The following SP100 variants were observed in gnomAD, a reference collection of about 807,000 sequenced individuals.
SP100 encodes the protein nuclear autoantigen Sp-100.
SP100 carries 84 observed loss-of-function variants against 130.0 expected under a neutral mutation model. The observed-to-expected ratio is 0.65, with a 90% CI of 0.54 to 0.77. SP100 has a LOEUF of 0.77. Ranked by LOEUF, SP100 falls within the 30% of genes least tolerant of loss-of-function variation. The probability of loss-of-function intolerance (pLI) is 0.00; values close to 1 mark genes in which losing one functional copy is unlikely to be tolerated. For synonymous variants in SP100, 331 were observed against 351.7 expected (o/e 0.94, Z 0.66); for missense variants, 978 against 1,052.2 (o/e 0.93, Z 0.97).
In SP100 at chr2:230,544,708, C is replaced by T. The variant is rs1460537398; in HGVS notation, c.*1762C>T. ...ATTGGTCAGGCTGGTCTTGAACTCCCGACCTCAGGTGATCCACCCACCTCG... is the reference window on the plus strand; with the variant it reads ...ATTGGTCAGGCTGGTCTTGAACTCCTGACCTCAGGTGATCCACCCACCTCG... On this transcript the variant is annotated 3_prime_UTR_variant, in exon 29 of 29. Transcript: ENST00000340126. 1.3e-5 allele frequency among the ~76,000 whole-genome samples: 2 copies of T among 152,012 alleles called. No homozygotes were observed. Among genetic ancestry groups the T allele is most frequent in the South Asian group, 2.1e-4 (1 of 4,818 alleles).
chr2:230,500,956 G>A (rs2066985864), intron 19 of SP100, among the ~76,000 whole-genome samples: 1 of 151,974 alleles, frequency 6.6e-6, no homozygotes, highest in Non-Finnish European at 1.5e-5. Flanking sequence ...TAAACCTTTA[G>A]TTCAGGCCAG....
intron 2 of SP100, among the ~76,000 whole-genome samples, chr2:230,429,232 G>A (rs535392685): frequency 6.6e-6 from 1 of 152,146 alleles, no homozygotes; most frequent in East Asian, 1.9e-4. Context: ...AACATTCTTG[G>A]TCAGTAGAGT....
intron 2 of SP100, among the ~76,000 whole-genome samples, chr2:230,441,564 G>T (rs996706077): frequency 6.6e-6 from 1 of 152,130 alleles, no homozygotes; most frequent in Non-Finnish European, 1.5e-5. Context: ...CAACAAAAAT[G>T]AACAAACTAC....
At chr2:230,536,767 C>T (rs1352817759) in intron 24 of SP100, among the ~76,000 whole-genome samples, 1 of 60,448 alleles carries the variant, frequency 1.7e-5, no homozygotes, top group African/African-American at 3.7e-5. Flanking sequence ...CTTGGCAATA[C>T]TCATTGTCTC....
chr2:230,500,113 C>T (rs756277430), intron 19 of SP100, among the ~76,000 whole-genome samples: 1 of 151,896 alleles, frequency 6.6e-6, no homozygotes, highest in Non-Finnish European at 1.5e-5. Flanking sequence ...TACTCTTTTG[C>T]CAAGAATGAT....
Position 230,467,225 on chromosome 2 carries a change from G to C in SP100, c.1291+10G>C. ...AAGCATGGTGAGAAGGGTAAGAACA[G>C]CTCCCTTGACTTCAGGGCTCTGACT... is the stretch of plus-strand genomic sequence containing the variant. On this transcript the variant is annotated intron_variant, in intron 13 of 28. Transcript: ENST00000340126. 1 of 1,598,238 alleles carries C rather than the reference G, an allele frequency of 6.3e-7. No homozygotes were observed. The highest frequency in any genetic ancestry group is 1.1e-5 in the South Asian group (1 of 90,748).
At chr2:230,460,566 G>A (rs546893138) in intron 8 of SP100, among the ~76,000 whole-genome samples, 2 of 150,670 alleles carry the variant, frequency 1.3e-5, no homozygotes, top group Admixed American at 1.3e-4. Context: ...TCACCAGGAG[G>A]TGTCTGGGGT....
At chr2:230,471,252 G>GA (rs1361051061) in intron 15 of SP100, among the ~76,000 whole-genome samples, 1 of 152,208 alleles carries the variant, frequency 6.6e-6, no homozygotes, top group African/African-American at 2.4e-5. Context: ...GCAATGGGCA[G>GA]AAAAATGAGA....
chr2:230,475,256 ACT>A (rs2065482085), intron 17 of SP100, among the ~76,000 whole-genome samples: 1 of 152,128 alleles, frequency 6.6e-6, no homozygotes, highest in Admixed American at 6.5e-5. Context: ...ATGGTATCTC[ACT>A]GTGATTCTGA....
rs1246055755 is a variant in SP100, at chr2:230,438,648, T to TATATATAC, written c.108-4288_108-4287insTATATACA. Reference sequence around the variant, plus strand: ...AGTAGTACTCCATGGTGTATATATATACACACACACACACACACACACACA... The same window carrying TATATATAC: ...AGTAGTACTCCATGGTGTATATATATATATATACACACACACACACACACACACACACA... On this transcript the variant is annotated intron_variant, in intron 2 of 28. Transcript: ENST00000340126. Among the ~76,000 whole-genome samples the TATATATAC allele has an allele frequency of 6.9e-3, 883 of 127,464 alleles. 6 individuals carry two copies. Among genetic ancestry groups the TATATATAC allele is most frequent in the South Asian group, 0.028 (111 of 3,976 alleles). The allele number at this position is 127,464 out of a possible 152,430, so 83.6% of individuals were successfully genotyped here.
At chr2:230,445,739 G>A (rs1337710552) in intron 4 of SP100, among the ~76,000 whole-genome samples, 1 of 152,170 alleles carries the variant, frequency 6.6e-6, no homozygotes, top group Non-Finnish European at 1.5e-5. Context: ...GAAGGGAATG[G>A]TGCTACCTTT....
At chr2:230,519,838 C>T (rs1268340284) in intron 24 of SP100, among the ~76,000 whole-genome samples, 1 of 152,152 alleles carries the variant, frequency 6.6e-6, no homozygotes, top group Non-Finnish European at 1.5e-5. Context: ...AAAAGATCCC[C>T]ATTTTGGCCA....
At chr2:230,469,132 T>G in intron 14 of SP100, 36 bp downstream of exon 14, 1 of 1,303,246 alleles carries the variant, frequency 7.7e-7, no homozygotes, top group Non-Finnish European at 1.1e-6. Flanking sequence ...GTAACAAATG[T>G]CTTTATTTGC....
chr2:230,438,731 C>CAT lies in SP100; in HGVS notation c.108-4197_108-4196dup, dbSNP rs754042713. Among the ~76,000 whole-genome samples, 12 of 146,652 alleles carry CAT rather than the reference C, an allele frequency of 8.2e-5. No homozygotes were observed. The South Asian group carries it at 1.1e-3, about 13-fold the overall frequency. ...GTATACATGTATATGTGTATATATA[C>CAT]ATATATATATCACATTTCTTTATCT... On this transcript the variant is annotated intron_variant, in intron 2 of 28. Transcript: ENST00000340126.
intron 14 of SP100, chr2:230,469,541 T>C (rs1464580496): frequency 6.5e-6 from 3 of 458,510 alleles, no homozygotes; most frequent in African/African-American, 6.1e-5. Flanking sequence ...ACATTATGTA[T>C]GTTCCTTTTA....
At chr2:230,532,210 G>T (rs1335211378) in intron 24 of SP100, among the ~76,000 whole-genome samples, 1 of 147,888 alleles carries the variant, frequency 6.8e-6, no homozygotes, top group Non-Finnish European at 1.5e-5. Flanking sequence ...GAGCTTTACG[G>T]TTCCTAGAAA....
At position 230,503,117 on chromosome 2, in the gene SP100, A is replaced by C. The variant is rs1287352073; in HGVS notation, c.1765+7A>C. Reference sequence around the variant, plus strand: ...AAAAGAAGAAGAAAAAGAGGTAAATAGAAGTGATCGATATGTTTTTCATAA... The same window carrying C: ...AAAAGAAGAAGAAAAAGAGGTAAATCGAAGTGATCGATATGTTTTTCATAA... On this transcript the variant is annotated splice_region_variant and intron_variant, in intron 20 of 28. Transcript: ENST00000340126. 6.4e-7 allele frequency: 1 copy of C among 1,572,852 alleles called. No individual in the cohort carries two copies. Among genetic ancestry groups the C allele is most frequent in the African/African-American group, 1.4e-5 (1 of 73,896 alleles).
chr2:230,498,848 A>G (rs1357967784), intron 19 of SP100, among the ~76,000 whole-genome samples: 1 of 152,224 alleles, frequency 6.6e-6, no homozygotes, highest in African/African-American at 2.4e-5. Flanking sequence ...AAACCTATGT[A>G]ATTCACAAGT....
At chr2:230,466,393 A>T in intron 12 of SP100, 39 bp downstream of exon 12, 2 of 1,047,340 alleles carry the variant, frequency 1.9e-6, no homozygotes, top group Non-Finnish European at 3.0e-6. Context: ...AGAGAAAATA[A>T]CTTCTCTTCA....
Sources: allele counts gnomAD v4.1 joint callset (sites outside exome capture counted in the v4.1 genomes callset), GRCh38; gene constraint gnomAD v4.1.1; transcripts MANE v1.5; gene names NCBI Gene and HGNC (gene_info 2026-07-23, HGNC 2026-07-21).